UBR2: variants seen among roughly 807,000 people sequenced by gnomAD.
UBR2 encodes the protein ubiquitin protein ligase E3 component n-recognin 2, also known as E3 ubiquitin-protein ligase UBR2.
In UBR2, 92 loss-of-function variants were observed where a neutral mutation model predicts 247.9. The observed-to-expected ratio is 0.37, with a 90% CI of 0.31 to 0.44. The LOEUF is 0.44. Ranked by LOEUF, UBR2 falls within the 20% of genes least tolerant of loss-of-function variation. The pLI is 1.00. For missense variants in UBR2, 1,613 were observed against 2,112.6 expected, an observed-to-expected ratio of 0.76 and a Z score of 4.64; for synonymous variants, 672 against 693.5, an observed-to-expected ratio of 0.97 and a Z score of 0.49.
Position 42,686,528 on chromosome 6 carries a change from T to C in UBR2, c.4853+1657T>C, listed in dbSNP as rs1441385720. Among the ~76,000 whole-genome samples the C allele has an allele frequency of 3.3e-5, 5 of 152,310 alleles. No individual in the cohort carries two copies. In the East Asian group the frequency reaches 9.6e-4, roughly 29 times the overall value. ...TGATCTCTCTTTCTTTTCCCCACAT[T>C]TCCCCCTTTTCTATTCGACAAAACC... On this transcript the variant is annotated intron_variant, in intron 44 of 46. Coordinates refer to ENST00000372901, the MANE Select transcript of UBR2 (RefSeq NM_001363705.2).
chr6:42,579,574 G>C (rs1490689757), intron 2 of UBR2, among the ~76,000 whole-genome samples: 7 of 152,156 alleles, frequency 4.6e-5, no homozygotes, highest in Non-Finnish European at 1.5e-5. Context: ...TTAGTCTAGA[G>C]TACAGTGGCA....
At chr6:42,587,422 A>G (rs1431218671) in intron 2 of UBR2, among the ~76,000 whole-genome samples, 1 of 152,072 alleles carries the variant, frequency 6.6e-6, no homozygotes, top group East Asian at 1.9e-4. Context: ...TAGTGGCATA[A>G]CCACAGCTTA....
intron 38 of UBR2, among the ~76,000 whole-genome samples, chr6:42,674,523 C>T (rs1798614846): frequency 6.6e-6 from 1 of 151,942 alleles, no homozygotes; most frequent in South Asian, 2.1e-4. Flanking sequence ...CAGCACTTTG[C>T]GAGGCTCACC....
intron 6 of UBR2, 31 bp downstream of exon 6, chr6:42,605,890 T>G (rs1378348603): frequency 6.3e-7 from 1 of 1,580,686 alleles, no homozygotes; most frequent in Non-Finnish European, 8.6e-7. Flanking sequence ...GATAATAAAT[T>G]GAATTTTTAC....
chr6:42,674,020 A>T (rs1562389691), intron 37 of UBR2, 106 bp from the exon 38 acceptor site: 1 of 1,341,348 alleles, frequency 7.5e-7, no homozygotes, highest in East Asian at 2.3e-5. Context: ...GCTCTAGCTT[A>T]TAAATTCTCA....
rs1294364092 is a variant in UBR2 at position 42,679,754 on chromosome 6, G to A, written c.4640G>A (p.Cys1547Tyr). The A allele has an allele frequency of 1.9e-6, 3 of 1,613,248 alleles. No individual in the cohort carries two copies. Among genetic ancestry groups the A allele is most frequent in the Non-Finnish European group, 2.5e-6 (3 of 1,179,762 alleles). ...VPGTSHFEHL[C>Y]SYLSLPNNLI... ...GGAACAAGCCATTTTGAACATTTAT[G>A]TAGCTATCTTTCCCTACCAAACAAC... Residue 1547 changes from cysteine (C) to tyrosine (Y), a missense_variant, in exon 42 of 47, where the codon TGT becomes TAT. Around this residue, in one of 3 missense-constraint regions of UBR2, gnomAD observed 1,524 missense variants for 1,967.3 expected, o/e 0.77. Transcript: ENST00000372901.
intron 7 of UBR2, among the ~76,000 whole-genome samples, chr6:42,609,888 C>A (rs1295551246): frequency 1.3e-5 from 2 of 148,546 alleles, no homozygotes; most frequent in Admixed American, 6.7e-5. Context: ...AGAGTGAAAC[C>A]CTGTTACAAA....
Position 42,652,053 on chromosome 6 carries a change from C to G in UBR2, c.2596C>G (p.Gln866Glu). ...AGAAGCGCAACGGAAATTGAAAAGA[C>G]AAAATAGAGAAGATACAGGTATTTT... ...AEEAQRKLKR[Q>E]NREDTALPPP... Residue 866 changes from glutamine to glutamate, a missense_variant, in exon 24 of 47, where the codon CAA becomes GAA. Physicochemically the swap from Gln to Glu is conservative, Grantham distance 29 (BLOSUM62 2). This residue lies in a region of UBR2 where 1,524 missense variants were observed against 1,967.3 expected (regional missense o/e 0.77). Coordinates refer to ENST00000372901, the MANE Select transcript of UBR2 (RefSeq NM_001363705.2). 1 of 1,589,570 alleles carries G rather than the reference C, an allele frequency of 6.3e-7. No individual in the cohort carries two copies. Among genetic ancestry groups the G allele is most frequent in the Non-Finnish European group, 8.5e-7 (1 of 1,171,444 alleles).
chr6:42,656,691 A>G (rs899023657), intron 26 of UBR2, among the ~76,000 whole-genome samples: 2 of 152,228 alleles, frequency 1.3e-5, no homozygotes, highest in African/African-American at 2.4e-5. Context: ...ACAAGGAGGA[A>G]GTAATTTTGT....
chr6:42,657,270 C>T (rs1336797888), intron 26 of UBR2, among the ~76,000 whole-genome samples: 2 of 151,146 alleles, frequency 1.3e-5, no homozygotes, highest in African/African-American at 4.9e-5. Context: ...TTCTCTCTTA[C>T]TTTCTCTTTC....
intron 2 of UBR2, among the ~76,000 whole-genome samples, chr6:42,586,799 G>T: frequency 6.9e-6 from 1 of 143,988 alleles, no homozygotes; most frequent in African/African-American, 2.6e-5. Flanking sequence ...TCTGCTTCTT[G>T]TCATATATAT....
At chr6:42,634,701 C>T (rs183414377) in intron 13 of UBR2, among the ~76,000 whole-genome samples, 109 of 152,280 alleles carry the variant, frequency 7.2e-4, no homozygotes, top group Non-Finnish European at 1.4e-3. Flanking sequence ...GTGATCCACC[C>T]GCCTCGGCCT....
At chr6:42,626,148 ATTCT>A (rs988237222) in intron 11 of UBR2, among the ~76,000 whole-genome samples, 2 of 151,254 alleles carry the variant, frequency 1.3e-5, no homozygotes, top group Non-Finnish European at 3.0e-5. Context: ...GCTTTGTTTT[ATTCT>A]TTCCTTTTTT....
At chr6:42,569,297 A>G (rs1441226591) in intron 1 of UBR2, among the ~76,000 whole-genome samples, 1 of 152,136 alleles carries the variant, frequency 6.6e-6, no homozygotes, top group Admixed American at 6.5e-5. Flanking sequence ...GAGAGTTCCA[A>G]TTTCTCCAGA....
At chr6:42,574,434 A>T (rs1452231792) in intron 2 of UBR2, among the ~76,000 whole-genome samples, 1 of 152,134 alleles carries the variant, frequency 6.6e-6, no homozygotes, top group African/African-American at 2.4e-5. Context: ...CTCACTTTGT[A>T]CTTGCTCTGA....
Position 42,632,546 on chromosome 6 carries a change from T to G in UBR2, c.1282-6T>G. On this transcript the variant is annotated splice_region_variant and splice_polypyrimidine_tract_variant and intron_variant, in intron 11 of 46. Coordinates refer to ENST00000372901, the MANE Select transcript of UBR2 (RefSeq NM_001363705.2). ...TACCATGCACTCTGATAAACTTTGT[T>G]TTTAGGCTCGAATGCTCATCACAGA... is the stretch of plus-strand genomic sequence containing the variant. 1 of 1,589,120 alleles carries G rather than the reference T, an allele frequency of 6.3e-7. No individual in the cohort carries two copies. Among genetic ancestry groups the G allele is most frequent in the Non-Finnish European group, 8.5e-7 (1 of 1,170,248 alleles).
Position 42,641,507 on chromosome 6 carries a change from C to A in UBR2, c.1921-75C>A, listed in dbSNP as rs538130199. The A allele has an allele frequency of 3.7e-6, 4 of 1,090,756 alleles. No homozygotes were observed. In the African/African-American group the frequency reaches 5.0e-5, roughly 14 times the overall value. The allele number at this position is 1,090,756 out of a possible 1,614,324, so 67.6% of individuals were successfully genotyped here. A position where few individuals can be genotyped will look rare whatever the true frequency, so the allele number is the denominator to read the frequency against. ...TTATAAAAGCATTTATCTCTATCGA[C>A]CAAACTTCTTTTTAGAACTGATTTT... On this transcript the variant is annotated intron_variant, in intron 16 of 46. Transcript: ENST00000372901.
intron 2 of UBR2, among the ~76,000 whole-genome samples, chr6:42,574,342 C>G (rs1210272557): frequency 2.0e-5 from 3 of 152,158 alleles, no homozygotes; most frequent in Non-Finnish European, 4.4e-5. Context: ...CTAGTGAGAG[C>G]CCCGTCACAC....
chr6:42,655,627 C>A lies in UBR2; in HGVS notation c.2776C>A (p.His926Asn). The A allele has an allele frequency of 6.5e-7, 1 of 1,545,522 alleles. No homozygotes were observed. Among genetic ancestry groups the A allele is most frequent in the East Asian group, 2.4e-5 (1 of 41,226 alleles). Residue 926 changes from histidine (H) to asparagine (N), a missense_variant, in exon 26 of 47, where the codon CAT (histidine) becomes AAT (asparagine). Physicochemically the swap from His to Asn is moderately conservative, Grantham distance 68. Coordinates refer to ENST00000372901, the MANE Select transcript of UBR2 (RefSeq NM_001363705.2). ...TACAAAACATTTATTCAAGGTGTTA[C>A]ATTTAATTGGCATGGCACTACAAGA... ...WSESMLQRVL[H>N]LIGMALQEEK...
Sources: gnomAD v4.1 joint callset for allele counts (sites outside exome capture counted in the v4.1 genomes callset) on GRCh38, gnomAD v4.1.1 for gene constraint, gnomAD v4.1.1 regional missense constraint, MANE v1.5 for transcripts, NCBI Gene and HGNC (gene_info 2026-07-23, HGNC 2026-07-21) for gene names.